The following WWOX variants were observed in gnomAD, a reference collection of about 807,000 sequenced individuals.
WWOX encodes the protein WW domain containing oxidoreductase, also known as WW domain-containing oxidoreductase.
WWOX carries 69 observed loss-of-function variants against 46.2 expected under a neutral mutation model. That is an observed-to-expected ratio of 1.49 (90% CI 1.23 to 1.82). The LOEUF (loss-of-function observed/expected upper bound fraction) is 1.82. Among genes scored for constraint, WWOX ranks in the 40% most tolerant of loss-of-function variants. WWOX has a pLI of 0.00. For missense variants in WWOX, 919 were observed against 542.6 expected, an observed-to-expected ratio of 1.69 and a Z score of -6.89; for synonymous variants, 359 against 202.6, an observed-to-expected ratio of 1.77 and a Z score of -6.56.
At chr16:78,725,876 G>A (rs921378402) in intron 8 of WWOX, among the ~76,000 whole-genome samples, 2 of 152,026 alleles carry the variant, frequency 1.3e-5, no homozygotes, top group African/African-American at 4.8e-5. Context: ...GTCGCTGCAT[G>A]TCATTCACAT....
chr16:79,140,863 G>A (rs973489872), intron 8 of WWOX, among the ~76,000 whole-genome samples: 7 of 152,172 alleles, frequency 4.6e-5, no homozygotes, highest in Admixed American at 2.0e-4. Flanking sequence ...GTTTCCGTAC[G>A]TCAGTTTCAC....
chr16:78,792,426 C>G (rs1238514630), intron 8 of WWOX, among the ~76,000 whole-genome samples: 1 of 152,154 alleles, frequency 6.6e-6, no homozygotes, highest in East Asian at 1.9e-4. Context: ...ATTGCTTCTT[C>G]ATTCTGGGCC....
At chr16:79,100,598 C>T (rs1375540148) in intron 8 of WWOX, among the ~76,000 whole-genome samples, 1 of 152,128 alleles carries the variant, frequency 6.6e-6, no homozygotes, top group African/African-American at 2.4e-5. Context: ...ACCAGCCTCA[C>T]CCGTGTCTCT....
chr16:78,505,344 A>G (rs2085168469), intron 8 of WWOX, among the ~76,000 whole-genome samples: 1 of 152,184 alleles, frequency 6.6e-6, no homozygotes, highest in South Asian at 2.1e-4. Context: ...TGCCTTCTTT[A>G]ACTAGCCTAG....
At chr16:78,393,162 G>A (rs1184943630) in intron 6 of WWOX, among the ~76,000 whole-genome samples, 1 of 152,030 alleles carries the variant, frequency 6.6e-6, no homozygotes, top group African/African-American at 2.4e-5. Flanking sequence ...TGAAGAGCTG[G>A]GACCCTTTCT....
intron 8 of WWOX, among the ~76,000 whole-genome samples, chr16:78,647,034 T>A (rs943619873): frequency 1.2e-4 from 18 of 152,132 alleles, no homozygotes; most frequent in African/African-American, 4.3e-4. Context: ...TTCTCTTCCT[T>A]TTGAGCCCAG....
intron 8 of WWOX, among the ~76,000 whole-genome samples, chr16:79,158,540 C>T (rs2050425559): frequency 6.6e-6 from 1 of 152,174 alleles, no homozygotes; most frequent in South Asian, 2.1e-4. Context: ...CTTAATCTGA[C>T]CCTTTCCACA....
Position 79,212,120 on chromosome 16 carries a change from T to TATAGA in WWOX, c.*329_*333dup, listed in dbSNP as rs1250601414. On this transcript the variant is annotated 3_prime_UTR_variant, in exon 9 of 9. Transcript: ENST00000566780. Reference sequence around the variant, plus strand: ...CCAGCAATTCTCTTTCTTTTACTGTTATAGAATAGCCTGAGGTCCCCTCGT... The same window carrying TATAGA: ...CCAGCAATTCTCTTTCTTTTACTGTTATAGAATAGAATAGCCTGAGGTCCCCTCGT... The TATAGA allele has an allele frequency of 6.5e-7, 1 of 1,534,170 alleles. No homozygotes were observed. Among genetic ancestry groups the TATAGA allele is most frequent in the South Asian group, 1.2e-5 (1 of 83,888 alleles).
At chr16:78,201,449 T>G (rs1833765464) in intron 5 of WWOX, among the ~76,000 whole-genome samples, 1 of 152,132 alleles carries the variant, frequency 6.6e-6, no homozygotes, top group African/African-American at 2.4e-5. Context: ...AGACCTGAAA[T>G]GATAAATGTT....
At chr16:78,109,429 T>C (rs2032356531) in intron 2 of WWOX, among the ~76,000 whole-genome samples, 1 of 152,172 alleles carries the variant, frequency 6.6e-6, no homozygotes, top group Admixed American at 6.5e-5. Context: ...TCATATGAGG[T>C]CAGCGTATGA....
At chr16:78,407,856 TC>T (rs1407616364) in intron 6 of WWOX, among the ~76,000 whole-genome samples, 1 of 152,234 alleles carries the variant, frequency 6.6e-6, no homozygotes, top group Non-Finnish European at 1.5e-5. Context: ...AACACGCACT[TC>T]CTATGGACAT....
rs72477856 is a variant in WWOX, at chr16:78,585,675, GTT to G, written c.1056+152933_1056+152934del. On this transcript the variant is annotated intron_variant, in intron 8 of 8. Transcript: ENST00000566780. ...TGTTTTTTCTTTTGTTTTGTTTTGG[GTT>G]TTTTTTTTTGTTTTTTTTTGTTTTT... 9.5e-4 allele frequency among the ~76,000 whole-genome samples: 135 copies of G among 141,932 alleles called. 1 individual carries two copies. The highest frequency in any genetic ancestry group is 3.5e-3 in the African/African-American group (134 of 38,676). 93.1% of individuals were successfully genotyped at this position (141,932 alleles called of 152,430 possible).
chr16:78,321,790 G>C (rs1042575750), intron 5 of WWOX, among the ~76,000 whole-genome samples: 2 of 152,104 alleles, frequency 1.3e-5, no homozygotes, highest in East Asian at 1.9e-4. Context: ...AGTGGCTGTC[G>C]TCTGTTAGTG....
chr16:78,591,872 A>G (rs534254818), intron 8 of WWOX, among the ~76,000 whole-genome samples: 5 of 152,184 alleles, frequency 3.3e-5, no homozygotes, highest in Non-Finnish European at 5.9e-5. Context: ...TCTGTGAGCT[A>G]CCACCACTGC....
chr16:78,870,898 G>A (rs1386360946), intron 8 of WWOX, among the ~76,000 whole-genome samples: 7 of 152,080 alleles, frequency 4.6e-5, no homozygotes, highest in African/African-American at 7.2e-5. Flanking sequence ...CACCATGCCC[G>A]GCCTAATCTA....
intron 5 of WWOX, among the ~76,000 whole-genome samples, chr16:78,239,000 C>T (rs562603364): frequency 6.6e-6 from 1 of 152,290 alleles, no homozygotes; most frequent in South Asian, 2.1e-4. Flanking sequence ...TGCAGATTTG[C>T]ATCACCTCTC....
intron 5 of WWOX, among the ~76,000 whole-genome samples, chr16:78,193,772 T>C (rs1054704457): frequency 2.6e-5 from 4 of 151,972 alleles, no homozygotes; most frequent in African/African-American, 4.8e-5. Context: ...TGTTGGAGGG[T>C]GGATGAGAGT....
intron 5 of WWOX, among the ~76,000 whole-genome samples, chr16:78,372,038 C>T (rs1050935066): frequency 5.9e-5 from 9 of 152,072 alleles, no homozygotes; most frequent in African/African-American, 1.4e-4. Context: ...GATTTATATT[C>T]CACTGGCCAA....
chr16:78,389,979 TC>T (rs773812704), intron 6 of WWOX, among the ~76,000 whole-genome samples: 11 of 152,154 alleles, frequency 7.2e-5, no homozygotes, highest in Admixed American at 2.0e-4. Flanking sequence ...ACTCCTGACC[TC>T]AAGTGATCTC....
Sources: gnomAD v4.1 joint callset for allele counts (sites outside exome capture counted in the v4.1 genomes callset) on GRCh38, gnomAD v4.1.1 for gene constraint, MANE v1.5 for transcripts, NCBI Gene and HGNC (gene_info 2026-07-23, HGNC 2026-07-21) for gene names.